PLPP1: variants seen among roughly 807,000 people sequenced by gnomAD.
PLPP1 encodes the protein lipid phosphate phosphohydrolase 1a.
In PLPP1, 24 loss-of-function variants were observed where a neutral mutation model predicts 31.2. The ratio of observed to expected loss-of-function variants is 0.77; its 90% confidence interval spans 0.56 to 1.08. The LOEUF (loss-of-function observed/expected upper bound fraction) is 1.08, where lower values mean the gene tolerates loss of function less well. Among genes scored for constraint, PLPP1 ranks in the 50% least tolerant of loss-of-function variants. PLPP1 has a pLI of 0.00. For missense variants in PLPP1, 319 were observed against 342.7 expected, an observed-to-expected ratio of 0.93 and a Z score of 0.55; for synonymous variants, 146 against 126.3, an observed-to-expected ratio of 1.16 and a Z score of -1.05.
chr5:55,490,640 CTT>C (rs1451475688), intron 1 of PLPP1, among the ~76,000 whole-genome samples: 2 of 152,094 alleles, frequency 1.3e-5, no homozygotes, highest in Non-Finnish European at 2.9e-5. Context: ...GCTTACTGGG[CTT>C]TAACAAGTGT....
At chr5:55,428,001 G>C (rs1181355493) in intron 4 of PLPP1, among the ~76,000 whole-genome samples, 1 of 151,988 alleles carries the variant, frequency 6.6e-6, no homozygotes, top group Non-Finnish European at 1.5e-5. Context: ...TGGCCAGGCT[G>C]GTCTCAAACT....
intron 5 of PLPP1, 105 bp from the exon 6 acceptor site, chr5:55,425,439 T>C: frequency 9.2e-7 from 1 of 1,087,600 alleles, no homozygotes; most frequent in Admixed American, 2.8e-5. Flanking sequence ...AAGGATATAC[T>C]TTGAGGTGTA....
intron 1 of PLPP1, among the ~76,000 whole-genome samples, chr5:55,531,235 C>A (rs1388170770): frequency 6.6e-6 from 1 of 152,044 alleles, no homozygotes; most frequent in Admixed American, 6.6e-5. Context: ...TCTCAAAATT[C>A]TCCTTCTTTT....
intron 1 of PLPP1, among the ~76,000 whole-genome samples, chr5:55,515,993 G>T (rs1477639957): frequency 6.6e-6 from 1 of 151,700 alleles, no homozygotes; most frequent in South Asian, 2.1e-4. Context: ...CAAACCAAAC[G>T]ATCTCCTCCC....
At chr5:55,522,301 G>A (rs968860704) in intron 1 of PLPP1, among the ~76,000 whole-genome samples, 4 of 152,182 alleles carry the variant, frequency 2.6e-5, no homozygotes, top group Admixed American at 2.0e-4. Context: ...ACTGAATAGG[G>A]GAAATTAGTT....
chr5:55,443,192 A>AAAAAAAAAAATAT, intron 3 of PLPP1, among the ~76,000 whole-genome samples: 5 of 25,444 alleles, frequency 2.0e-4, no homozygotes, highest in African/African-American at 4.3e-4. Context: ...AAAAAAAAAA[A>AAAAAAAAAAATAT]ATATATATAT....
At chr5:55,458,725 T>C (rs2111759706) in intron 3 of PLPP1, among the ~76,000 whole-genome samples, 1 of 151,464 alleles carries the variant, frequency 6.6e-6, no homozygotes, top group African/African-American at 2.4e-5. Flanking sequence ...CCATCTCTAC[T>C]AAAAATGCAA....
At chr5:55,526,681 C>T (rs899769481) in intron 1 of PLPP1, among the ~76,000 whole-genome samples, 3 of 151,976 alleles carry the variant, frequency 2.0e-5, no homozygotes, top group Non-Finnish European at 4.4e-5. Flanking sequence ...GCCTGTAATC[C>T]CAGCACTTTG....
chr5:55,499,015 G>C (rs1027480439), intron 1 of PLPP1, among the ~76,000 whole-genome samples: 8 of 152,164 alleles, frequency 5.3e-5, no homozygotes, highest in Non-Finnish European at 1.2e-4. Flanking sequence ...AGAAGTTGAG[G>C]CCCCAATTGC....
At chr5:55,510,276 T>C (rs1305105955) in intron 1 of PLPP1, among the ~76,000 whole-genome samples, 1 of 152,226 alleles carries the variant, frequency 6.6e-6, no homozygotes, top group Non-Finnish European at 1.5e-5. Flanking sequence ...CTCAAATGGC[T>C]ACATACTATA....
chr5:55,533,426 C>A (rs2111969521), intron 1 of PLPP1, among the ~76,000 whole-genome samples: 1 of 148,812 alleles, frequency 6.7e-6, no homozygotes, highest in South Asian at 2.2e-4. Flanking sequence ...TTCCTTACAA[C>A]AACAACAAAA....
At chr5:55,447,826 G>C (rs1296146780) in intron 3 of PLPP1, among the ~76,000 whole-genome samples, 3 of 152,148 alleles carry the variant, frequency 2.0e-5, no homozygotes, top group East Asian at 3.8e-4. Context: ...TAGAGACAGG[G>C]TCTCGCTCTG....
At chr5:55,517,546 A>G (rs918836587) in intron 1 of PLPP1, among the ~76,000 whole-genome samples, 1 of 152,208 alleles carries the variant, frequency 6.6e-6, no homozygotes, top group Non-Finnish European at 1.5e-5. Context: ...AATAAGAGCA[A>G]CCACCACAAA....
intron 1 of PLPP1, among the ~76,000 whole-genome samples, chr5:55,517,083 C>A (rs774766643): frequency 2.0e-5 from 3 of 152,198 alleles, no homozygotes; most frequent in Admixed American, 6.5e-5. Flanking sequence ...AACACTTCTG[C>A]TACAATTCTA....
At chr5:55,505,753 C>A (rs1473917169) in intron 1 of PLPP1, among the ~76,000 whole-genome samples, 1 of 152,088 alleles carries the variant, frequency 6.6e-6, no homozygotes, top group Non-Finnish European at 1.5e-5. Context: ...CCTTAAATTC[C>A]TGCATTAGAA....
At chr5:55,491,397 C>T (rs1284054404) in intron 1 of PLPP1, among the ~76,000 whole-genome samples, 2 of 151,994 alleles carry the variant, frequency 1.3e-5, no homozygotes, top group African/African-American at 4.8e-5. Flanking sequence ...GCAAAATTGG[C>T]CCATGGAAAA....
chr5:55,502,748 T>C (rs182544941), intron 1 of PLPP1, among the ~76,000 whole-genome samples: 103 of 152,282 alleles, frequency 6.8e-4, no homozygotes, highest in African/African-American at 2.4e-3. Context: ...AGGCACTAAT[T>C]TTGATTCCAG....
intron 1 of PLPP1, chr5:55,491,030 T>G: frequency 6.2e-7 from 1 of 1,613,752 alleles, no homozygotes; most frequent in Non-Finnish European, 8.5e-7. Context: ...ATGGTACGGA[T>G]AGTTGATGCT....
chr5:55,454,765 A>G (rs567246850), intron 3 of PLPP1, among the ~76,000 whole-genome samples: 1 of 149,206 alleles, frequency 6.7e-6, no homozygotes. Flanking sequence ...CTACACAGGT[A>G]TATGATTTAA....
Sources: allele counts gnomAD v4.1 joint callset (sites outside exome capture counted in the v4.1 genomes callset), GRCh38; gene constraint gnomAD v4.1.1; transcripts MANE v1.5; gene names NCBI Gene and HGNC (gene_info 2026-07-23, HGNC 2026-07-21).